TKFC: variants seen among roughly 807,000 people sequenced by gnomAD.
The protein encoded by TKFC is triokinase/FMN cyclase.
TKFC carries 46 observed loss-of-function variants against 61.0 expected under a neutral mutation model. The ratio of observed to expected loss-of-function variants is 0.75; its 90% confidence interval spans 0.60 to 0.96. TKFC has a LOEUF of 0.96. Among genes scored for constraint, TKFC ranks in the 50% least tolerant of loss-of-function variants. The pLI, the probability that TKFC is intolerant of heterozygous loss-of-function variation, is 0.00. For synonymous variants in TKFC, 314 were observed against 330.1 expected (o/e 0.95, Z 0.53); for missense variants, 715 against 777.5 (o/e 0.92, Z 0.96).
At chr11:61,340,711 C>T (rs1268637924) in intron 5 of TKFC, among the ~76,000 whole-genome samples, 1 of 152,100 alleles carries the variant, frequency 6.6e-6, no homozygotes, top group Non-Finnish European at 1.5e-5. Flanking sequence ...GGCTATGGAT[C>T]ATCTCTGGCT....
At chr11:61,352,306 A>AT (rs34484054), downstream of TKFC, 129,397 of 151,964 alleles carry the variant, frequency 0.85, 58,574 homozygotes, top group Non-Finnish European at 1. Context: ...CTGTTCCCTC[A>AT]TTTTTTTTAT....
chr11:61,341,702 G>A (rs1242899805), intron 6 of TKFC, 121 bp from the exon 7 acceptor site: 7 of 1,271,420 alleles, frequency 5.5e-6, no homozygotes, highest in Non-Finnish European at 8.1e-6. Context: ...TGGAGAGTCT[G>A]GCAGCCTTTC....
downstream of TKFC, chr11:61,351,141 GTTTTT>G (rs1251031437): frequency 1.9e-6 from 3 of 1,606,720 alleles, no homozygotes; most frequent in Admixed American, 1.7e-5. Flanking sequence ...GCCTGGTGGT[GTTTTT>G]CCTGAAGATG....
Position 61,341,844 on chromosome 11 carries a change from C to T in TKFC, c.587C>T (p.Ser196Phe). 2 of 1,613,996 alleles carry T rather than the reference C, an allele frequency of 1.2e-6. No individual in the cohort carries two copies. Among genetic ancestry groups the T allele is most frequent in the Non-Finnish European group, 1.7e-6 (2 of 1,179,938 alleles). The change falls in exon 7 of 18, where the codon TCC becomes TTC. Residue 196 changes from serine (S) to phenylalanine (F), a missense_variant. By Grantham distance (155) the Ser-to-Phe change is radical. Coordinates refer to ENST00000394900, the MANE Select transcript of TKFC (RefSeq NM_015533.4). Reference sequence around the variant, plus strand: ...ATAGGTACCCTGGGGGTGAGCTTATCCTCCTGCAGCGTCCCTGGTTCCAAA... The same window carrying T: ...ATAGGTACCCTGGGGGTGAGCTTATTCTCCTGCAGCGTCCCTGGTTCCAAA... The part of the protein sequence containing the change: ...KAMGTLGVSL[S>F]SCSVPGSKPT...
At chr11:61,336,800 T>C (rs1370791537) in intron 2 of TKFC, among the ~76,000 whole-genome samples, 1 of 152,116 alleles carries the variant, frequency 6.6e-6, no homozygotes, top group Non-Finnish European at 1.5e-5. Context: ...CACCAGCCTG[T>C]CCACAACCCC....
downstream of TKFC, chr11:61,349,584 G>A (rs747320182): frequency 1.3e-4 from 94 of 702,864 alleles, no homozygotes; most frequent in Non-Finnish European, 2.0e-4. Context: ...GCTGCCTGCC[G>A]GTGACAGACA....
At chr11:61,352,504 T>A (rs923233634), downstream of TKFC, 3 of 166,314 alleles carry the variant, frequency 1.8e-5, no homozygotes, top group Non-Finnish European at 2.6e-5. Flanking sequence ...TACTAAAAAT[T>A]CAAAAAATTA....
rs1025250797 is a variant in TKFC at position 61,342,745 on chromosome 11, C to G, written c.776-10C>G. ...GAGGGTCTCACCTGGGGTGTCATGT[C>G]TACCCGCAGGCTCCTCAGTTGTGAT... is the stretch of plus-strand genomic sequence containing the variant. On this transcript the variant is annotated splice_polypyrimidine_tract_variant and intron_variant, in intron 9 of 17. Coordinates refer to ENST00000394900, the MANE Select transcript of TKFC (RefSeq NM_015533.4). 2 of 1,613,924 alleles carry G rather than the reference C, an allele frequency of 1.2e-6. No homozygotes were observed. Among genetic ancestry groups the G allele is most frequent in the African/African-American group, 1.3e-5 (1 of 74,914 alleles).
rs1857101009 is a variant in TKFC at position 61,345,932 on chromosome 11, A to T, written c.1561A>T (p.Thr521Ser). The T allele has an allele frequency of 6.2e-7, 1 of 1,613,900 alleles. No homozygotes were observed. The highest frequency in any genetic ancestry group is 1.1e-5 in the South Asian group (1 of 91,072). ...AGGAGCTGATCTGTTACAAGTCCTG[A>T]CCAAAGCAGTCAAGGTGAGTGAGGC... ...SPGADLLQVL[T>S]KAVKSAEAAA... The change falls in exon 17 of 18, where the codon ACC becomes TCC. Residue 521 changes from threonine to serine, a missense_variant. Thr to Ser is a moderately conservative substitution (Grantham distance 58, BLOSUM62 1). Transcript: ENST00000394900.
chr11:61,336,198 C>T (rs888852010), intron 2 of TKFC: 5 of 154,476 alleles, frequency 3.2e-5, no homozygotes, highest in African/African-American at 1.2e-4. Flanking sequence ...TTCTTGCTCC[C>T]TACAGACCTA....
downstream of TKFC, chr11:61,351,037 G>A (rs927449800): frequency 3.1e-6 from 5 of 1,614,030 alleles, no homozygotes; most frequent in South Asian, 1.1e-5. Flanking sequence ...CCAAGATGAA[G>A]CCAGAAGGAT....
intron 13 of TKFC, 24 bp from the exon 14 acceptor site, chr11:61,345,236 C>A: frequency 6.6e-7 from 1 of 1,509,430 alleles, no homozygotes; most frequent in Non-Finnish European, 8.9e-7. Flanking sequence ...CTCTGAATTC[C>A]TCCCCATCTC....
At position 61,342,466 on chromosome 11, in the gene TKFC, C is replaced by T. The variant is rs759830079; in HGVS notation, c.661C>T (p.His221Tyr). The change falls in exon 8 of 18, where the codon CAC becomes TAC. Residue 221 changes from histidine (H) to tyrosine (Y), a missense_variant. His to Tyr is a moderately conservative substitution (Grantham distance 83, BLOSUM62 2). Coordinates refer to ENST00000394900, the MANE Select transcript of TKFC (RefSeq NM_015533.4). ...GTGACCACATCTATCCGCAGGGATC[C>T]ACGGGGAAGCTGGTGTGCGCCGGAT... ...ADEVELGLGI[H>Y]GEAGVRRIKM... 6.2e-7 allele frequency: 1 copy of T among 1,614,052 alleles called. No homozygotes were observed. Among genetic ancestry groups the T allele is most frequent in the South Asian group, 1.1e-5 (1 of 91,080 alleles).
chr11:61,344,978 A>G (rs1333262827), intron 13 of TKFC, among the ~76,000 whole-genome samples: 2 of 152,192 alleles, frequency 1.3e-5, no homozygotes, highest in Non-Finnish European at 2.9e-5. Flanking sequence ...AGTAAAACAC[A>G]GAGGATGTTA....
rs1346570293 is a variant in TKFC, at chr11:61,345,442, A to G, written c.1348-20A>G. 1.2e-6 allele frequency: 2 copies of G among 1,609,314 alleles called. No homozygotes were observed. The highest frequency in any genetic ancestry group is 1.3e-5 in the African/African-American group (1 of 74,862). On this transcript the variant is annotated intron_variant, in intron 14 of 17. Transcript: ENST00000394900. ...GGGTCCAGGCCAGCACCACATGCTC[A>G]GCGTTGTCATCTTCCCCAGCTCTAT...
chr11:61,337,901 C>T, intron 2 of TKFC, 40 bp from the exon 3 acceptor site: 1 of 1,564,944 alleles, frequency 6.4e-7, no homozygotes, highest in Non-Finnish European at 8.6e-7. Flanking sequence ...GGTATCTGTA[C>T]TGACCACATT....
chr11:61,346,788 G>A lies in TKFC; in HGVS notation c.*285G>A, dbSNP rs945295722. ...TGCCAGCTCTGGGCTTCAGAGATAAGGCATTTTCCTTGTGCAGCCTTTACC... is the reference window on the plus strand; with the variant it reads ...TGCCAGCTCTGGGCTTCAGAGATAAAGCATTTTCCTTGTGCAGCCTTTACC... On this transcript the variant is annotated 3_prime_UTR_variant, in exon 18 of 18. Transcript: ENST00000394900. This position sits in a 1 kb window ranked among gnomAD's most constrained non-coding sequence, Gnocchi z 4.1. The A allele has an allele frequency of 1.3e-5, 16 of 1,191,518 alleles. No homozygotes were observed. The highest frequency in any genetic ancestry group is 4.1e-5 in the Admixed American group (1 of 24,340). The allele number at this position is 1,191,518 out of a possible 1,614,324, so 73.8% of individuals were successfully genotyped here. A position where few individuals can be genotyped will look rare whatever the true frequency, so the allele number is the denominator to read the frequency against.
Position 61,337,434 on chromosome 11 carries a change from C to G in TKFC, c.4-507C>G, listed in dbSNP as rs57151147. The stretch of plus-strand genomic sequence containing the variant: ...GTGCTGGGATTACAGGCATGAGCCA[C>G]TGCACCTGAGCTGTTATCTCTACAC... On this transcript the variant is annotated intron_variant, in intron 2 of 17. Transcript: ENST00000394900. Among the ~76,000 whole-genome samples, 1,145 of 152,362 alleles carry G rather than the reference C, an allele frequency of 7.5e-3. 18 individuals are homozygous for G. Among genetic ancestry groups the G allele is most frequent in the African/African-American group, 0.026 (1,100 of 41,590 alleles).
chr11:61,342,875 A>C (rs371388363), intron 10 of TKFC, 31 bp downstream of exon 10: 2 of 1,609,186 alleles, frequency 1.2e-6, no homozygotes, highest in African/African-American at 2.7e-5. Context: ...GGGATCCTAC[A>C]GCCCTTTGGA....
Sources: allele counts gnomAD v4.1 joint callset (sites outside exome capture counted in the v4.1 genomes callset), GRCh38; gene constraint gnomAD v4.1.1; non-coding constraint Gnocchi (gnomAD v3.1); transcripts MANE v1.5; gene names NCBI Gene and HGNC (gene_info 2026-07-23, HGNC 2026-07-21).